Variants in HMBOX1 observed in about 807,000 individuals in gnomAD.
HMBOX1 encodes homeobox containing 1.
In HMBOX1, 14 loss-of-function variants were observed where a neutral mutation model predicts 54.5. The observed-to-expected ratio is 0.26, with a 90% CI of 0.17 to 0.40. The LOEUF (loss-of-function observed/expected upper bound fraction) is 0.40. Among genes scored for constraint, HMBOX1 ranks in the 10% least tolerant of loss-of-function variants. HMBOX1 has a pLI of 1.00. For synonymous variants in HMBOX1, 160 were observed against 181.0 expected (o/e 0.88, Z 0.93); for missense variants, 332 against 514.4 (o/e 0.65, Z 3.43).
intron 6 of HMBOX1, among the ~76,000 whole-genome samples, chr8:29,022,504 G>C (rs1801343530): frequency 6.6e-6 from 1 of 152,122 alleles, no homozygotes; most frequent in Non-Finnish European, 1.5e-5. Context: ...AAATACAGAA[G>C]ATGACCTAAA....
intron 4 of HMBOX1, among the ~76,000 whole-genome samples, chr8:28,992,054 G>A (rs1831054175): frequency 6.6e-6 from 1 of 152,110 alleles, no homozygotes; most frequent in Non-Finnish European, 1.5e-5. Flanking sequence ...CGTTTGTTTT[G>A]CCACACAGCC....
In HMBOX1 at chr8:28,972,571, T is replaced by G. The variant is rs1468521602; in HGVS notation, c.500+2052T>G. On this transcript the variant is annotated intron_variant, in intron 3 of 9. Transcript: ENST00000287701. ...TAACAAGATTAGCTTTTAATTATTC[T>G]AAGTAGAGAGGATATCAACAATTTA... 2.6e-5 allele frequency among the ~76,000 whole-genome samples: 4 copies of G among 152,318 alleles called. No homozygotes were observed. In the East Asian group the frequency reaches 7.7e-4, roughly 29 times the overall value.
chr8:29,017,874 C>A (rs578064546), intron 5 of HMBOX1, among the ~76,000 whole-genome samples: 2 of 152,114 alleles, frequency 1.3e-5, no homozygotes, highest in Non-Finnish European at 2.9e-5. Context: ...ATATTAATAT[C>A]ATTAACATAG....
intron 6 of HMBOX1, among the ~76,000 whole-genome samples, chr8:29,044,611 TC>T (rs1805308583): frequency 6.6e-6 from 1 of 152,226 alleles, no homozygotes; most frequent in African/African-American, 2.4e-5. Flanking sequence ...TGTGTAGTCT[TC>T]CAGCTTTCAT....
chr8:28,943,943 T>C (rs2132046806), intron 1 of HMBOX1, among the ~76,000 whole-genome samples: 1 of 152,278 alleles, frequency 6.6e-6, no homozygotes, highest in East Asian at 1.9e-4. Flanking sequence ...TAGGTCAAAA[T>C]ACGTCCACAG....
In HMBOX1 at chr8:28,905,959, A is replaced by G. The variant is rs1349809519; in HGVS notation, c.-58+15281A>G. ...GCACATTTTTTTCAGCTTTGATTAT[A>G]TGCGTTTTCAGAATATATGCATAAT... On this transcript the variant is annotated intron_variant, in intron 1 of 9. Coordinates refer to ENST00000287701, the MANE Select transcript of HMBOX1 (RefSeq NM_001135726.3). 2.0e-5 allele frequency among the ~76,000 whole-genome samples: 3 copies of G among 152,182 alleles called. No homozygotes were observed. In the East Asian group the frequency reaches 5.8e-4, roughly 29 times the overall value.
At chr8:28,917,046 G>A in intron 1 of HMBOX1, among the ~76,000 whole-genome samples, 1 of 140,828 alleles carries the variant, frequency 7.1e-6, no homozygotes. Flanking sequence ...CAGCCTGGGT[G>A]ACAGAGCAAG....
chr8:29,014,583 T>C (rs1834717480), intron 5 of HMBOX1, among the ~76,000 whole-genome samples: 1 of 152,166 alleles, frequency 6.6e-6, no homozygotes, highest in Non-Finnish European at 1.5e-5. Flanking sequence ...CAGAAAAAAA[T>C]CTGAAAAGTA....
intron 1 of HMBOX1, among the ~76,000 whole-genome samples, chr8:28,926,107 T>C (rs1276369154): frequency 6.6e-6 from 1 of 151,942 alleles, no homozygotes; most frequent in Non-Finnish European, 1.5e-5. Flanking sequence ...GAGACCAGAC[T>C]GGGCAACATG....
At chr8:29,028,485 C>G (rs1802414351) in intron 6 of HMBOX1, among the ~76,000 whole-genome samples, 1 of 152,174 alleles carries the variant, frequency 6.6e-6, no homozygotes, top group Admixed American at 6.5e-5. Flanking sequence ...TGGAATTCTT[C>G]CCAGGACAGT....
rs537282661 is a variant in HMBOX1, at chr8:29,032,280, A to C, written c.852-13081A>C. On this transcript the variant is annotated intron_variant, in intron 6 of 9. Transcript: ENST00000287701. ...TGATTCAAACTTTTTTGGGGGTGGG[A>C]GGAGGGGGGTGGATTTTCTGTTAAT... is the stretch of plus-strand genomic sequence containing the variant. Among the ~76,000 whole-genome samples, 13 of 145,290 alleles carry C rather than the reference A, an allele frequency of 8.9e-5. No individual in the cohort carries two copies. In the East Asian group the frequency reaches 2.7e-3, roughly 31 times the overall value.
At chr8:29,016,354 A>T (rs1834998336) in intron 5 of HMBOX1, among the ~76,000 whole-genome samples, 1 of 152,224 alleles carries the variant, frequency 6.6e-6, no homozygotes, top group South Asian at 2.1e-4. Flanking sequence ...GCTCATTCTT[A>T]TTAGTAGTGA....
intron 1 of HMBOX1, among the ~76,000 whole-genome samples, chr8:28,935,111 A>G: frequency 6.6e-6 from 1 of 152,212 alleles, no homozygotes; most frequent in Non-Finnish European, 1.5e-5. Context: ...CACTGCTGAC[A>G]TAAATTAAAG....
intron 4 of HMBOX1, among the ~76,000 whole-genome samples, chr8:29,001,381 C>G (rs999620841): frequency 2.0e-5 from 3 of 152,146 alleles, no homozygotes; most frequent in Non-Finnish European, 4.4e-5. Flanking sequence ...AAAACCCTGT[C>G]TCTACTAAAA....
chr8:29,027,491 G>A (rs987182086), intron 6 of HMBOX1, among the ~76,000 whole-genome samples: 1 of 152,134 alleles, frequency 6.6e-6, no homozygotes, highest in Non-Finnish European at 1.5e-5. Context: ...GGAAACAGGT[G>A]TGTCTCTGGA....
At chr8:28,943,419 G>A (rs1821820540) in intron 1 of HMBOX1, among the ~76,000 whole-genome samples, 1 of 152,102 alleles carries the variant, frequency 6.6e-6, no homozygotes, top group South Asian at 2.1e-4. Flanking sequence ...GGCAGATAAG[G>A]GTTAGTTTAA....
intron 6 of HMBOX1, among the ~76,000 whole-genome samples, chr8:29,020,916 C>T (rs1012191654): frequency 1.3e-5 from 2 of 152,130 alleles, no homozygotes; most frequent in African/African-American, 2.4e-5. Flanking sequence ...GTGGTTCACA[C>T]CTATAATTTC....
At chr8:29,002,628 C>T (rs1238409148) in intron 4 of HMBOX1, among the ~76,000 whole-genome samples, 3 of 151,950 alleles carry the variant, frequency 2.0e-5, no homozygotes, top group African/African-American at 7.3e-5. Flanking sequence ...TGCTTTTTAC[C>T]TTGCTTTAGT....
intron 1 of HMBOX1, among the ~76,000 whole-genome samples, chr8:28,898,496 T>G (rs772504421): frequency 2.6e-5 from 4 of 152,226 alleles, no homozygotes; most frequent in African/African-American, 4.8e-5. Context: ...TTCAGCTGTT[T>G]TGGGTTGAAG....
Sources: allele counts gnomAD v4.1 joint callset (sites outside exome capture counted in the v4.1 genomes callset), GRCh38; gene constraint gnomAD v4.1.1; transcripts MANE v1.5; gene names NCBI Gene and HGNC (gene_info 2026-07-23, HGNC 2026-07-21).